EPHB1: variants seen among roughly 807,000 people sequenced by gnomAD.
The protein encoded by EPHB1 is ephrin type-B receptor 1.
In EPHB1, 30 loss-of-function variants were observed where a neutral mutation model predicts 94.4. That is an observed-to-expected ratio of 0.32 (90% CI 0.24 to 0.43). The LOEUF (loss-of-function observed/expected upper bound fraction) is 0.43. Among genes scored for constraint, EPHB1 ranks in the 20% least tolerant of loss-of-function variants. The probability of loss-of-function intolerance (pLI) is 1.00; values close to 1 mark genes in which losing one functional copy is unlikely to be tolerated. For synonymous variants in EPHB1, 522 were observed against 489.1 expected (o/e 1.07, Z -0.89); for missense variants, 1,055 against 1,308.3 (o/e 0.81, Z 2.99).
At chr3:134,975,091 A>G (rs1314167797) in intron 3 of EPHB1, among the ~76,000 whole-genome samples, 1 of 152,172 alleles carries the variant, frequency 6.6e-6, no homozygotes, top group Non-Finnish European at 1.5e-5. Context: ...GAGTTTCAAA[A>G]AGCCGGCATT....
chr3:134,934,688 G>T (rs2038967991), intron 2 of EPHB1, among the ~76,000 whole-genome samples: 2 of 150,748 alleles, frequency 1.3e-5, no homozygotes, highest in Non-Finnish European at 2.9e-5. Flanking sequence ...TGTGTGTGCG[G>T]TATGGGTGGG....
intron 3 of EPHB1, among the ~76,000 whole-genome samples, chr3:135,000,776 C>G (rs1014434219): frequency 6.6e-6 from 1 of 152,118 alleles, no homozygotes; most frequent in African/African-American, 2.4e-5. Flanking sequence ...AAAAATCACA[C>G]CTTCTATTTC....
At chr3:134,982,321 A>G (rs942480466) in intron 3 of EPHB1, among the ~76,000 whole-genome samples, 1 of 152,196 alleles carries the variant, frequency 6.6e-6, no homozygotes, top group Admixed American at 6.5e-5. Context: ...GGAGAGAAAG[A>G]GAGGGAAAGA....
Position 134,989,030 on chromosome 3 carries a change from T to A in EPHB1, c.805+36978T>A, listed in dbSNP as rs980642848. Among the ~76,000 whole-genome samples, 3 of 152,162 alleles carry A rather than the reference T, an allele frequency of 2.0e-5. No individual in the cohort carries two copies. The South Asian group carries it at 6.2e-4, about 32-fold the overall frequency. ...AGGGACTGAAGAGCTCTGCTGTCTA[T>A]CATGCTCTATTTTTAAGGGAGCTAA... On this transcript the variant is annotated intron_variant, in intron 3 of 15. Transcript: ENST00000398015.
rs192911617 is a variant in EPHB1, at chr3:134,899,646, C to T, written c.59-26170C>T. The stretch of plus-strand genomic sequence containing the variant: ...AAACACACTCTTAGACTTGAAGCTT[C>T]TGTTTTTGTTTGTTTGTTTTGTTTT... On this transcript the variant is annotated intron_variant, in intron 1 of 15. Transcript: ENST00000398015. 2.3e-3 allele frequency among the ~76,000 whole-genome samples: 354 copies of T among 151,906 alleles called. 2 individuals carry two copies. Among genetic ancestry groups the T allele is most frequent in the African/African-American group, 7.5e-3 (308 of 41,230 alleles).
chr3:135,095,977 A>G (rs984401687), intron 3 of EPHB1, among the ~76,000 whole-genome samples: 1 of 152,132 alleles, frequency 6.6e-6, no homozygotes, highest in Non-Finnish European at 1.5e-5. Flanking sequence ...TTCCAGCTCA[A>G]AGTCTGTCTT....
intron 8 of EPHB1, among the ~76,000 whole-genome samples, chr3:135,166,616 A>G (rs962972819): frequency 9.9e-5 from 15 of 152,204 alleles, no homozygotes; most frequent in African/African-American, 3.4e-4. Context: ...CTCCCTCCCA[A>G]GCAGTTCTGC....
intron 4 of EPHB1, among the ~76,000 whole-genome samples, chr3:135,118,040 C>G (rs2107804565): frequency 6.6e-6 from 1 of 152,346 alleles, no homozygotes. Context: ...CCACTCAGTT[C>G]TCACAAAGAG....
At chr3:134,828,354 G>T (rs558847771) in intron 1 of EPHB1, among the ~76,000 whole-genome samples, 2 of 152,320 alleles carry the variant, frequency 1.3e-5, no homozygotes, top group East Asian at 3.9e-4. Context: ...GGTTCTCACA[G>T]CTTCCCAAGT....
chr3:135,150,413 C>T (rs1455411910), intron 5 of EPHB1, among the ~76,000 whole-genome samples: 1 of 152,206 alleles, frequency 6.6e-6, no homozygotes, highest in Admixed American at 6.5e-5. Context: ...GCCTCGCCTT[C>T]CCTGAACTGT....
At chr3:135,014,998 G>A (rs1419119197) in intron 3 of EPHB1, among the ~76,000 whole-genome samples, 1 of 152,132 alleles carries the variant, frequency 6.6e-6, no homozygotes, top group East Asian at 1.9e-4. Flanking sequence ...GGAACAAAAG[G>A]ACCCTGGGCT....
chr3:134,894,333 CT>C (rs1228713499), intron 1 of EPHB1, among the ~76,000 whole-genome samples: 2 of 152,212 alleles, frequency 1.3e-5, no homozygotes, highest in African/African-American at 4.8e-5. Context: ...CAGGTCACCC[CT>C]CTCTTGGGCC....
At chr3:134,827,389 A>ACAC (rs2036503784) in intron 1 of EPHB1, among the ~76,000 whole-genome samples, 2 of 148,852 alleles carry the variant, frequency 1.3e-5, no homozygotes, top group Non-Finnish European at 3.0e-5. Context: ...ACACACACAC[A>ACAC]TACACACACA....
intron 12 of EPHB1, among the ~76,000 whole-genome samples, chr3:135,238,825 A>G (rs538919580): frequency 3.3e-5 from 5 of 152,262 alleles, no homozygotes; most frequent in African/African-American, 1.2e-4. Flanking sequence ...GAGAAAACCA[A>G]AGCCCCTCTT....
At chr3:134,958,853 G>A (rs925742970) in intron 3 of EPHB1, among the ~76,000 whole-genome samples, 2 of 152,098 alleles carry the variant, frequency 1.3e-5, no homozygotes, top group African/African-American at 2.4e-5. Flanking sequence ...CTCTGGAGGC[G>A]GCAGAGGATG....
chr3:135,131,396 T>C (rs1363831970), intron 4 of EPHB1, among the ~76,000 whole-genome samples: 1 of 152,216 alleles, frequency 6.6e-6, no homozygotes, highest in East Asian at 1.9e-4. Flanking sequence ...ATTTGATTCC[T>C]GTCTCCAGCA....
chr3:134,978,171 G>A (rs954613875), intron 3 of EPHB1: 1 of 349,922 alleles, frequency 2.9e-6, no homozygotes, highest in Admixed American at 3.7e-5. Context: ...TGAGTTACAA[G>A]TCCTATCCAT....
In EPHB1 at chr3:135,134,853, G is replaced by A. The variant is rs568344349; in HGVS notation, c.1297+1804G>A. ...CTTTTCTCTCTCTCTAAGCATGTGC[G>A]AACAAACCTGCCACTTATATCGGTT... On this transcript the variant is annotated intron_variant, in intron 5 of 15. Coordinates refer to ENST00000398015, the MANE Select transcript of EPHB1 (RefSeq NM_004441.5). Among the ~76,000 whole-genome samples the A allele has an allele frequency of 2.6e-3, 403 of 152,076 alleles. 4 individuals carry two copies. The highest frequency in any genetic ancestry group is 3.4e-3 in the Middle Eastern group (1 of 294).
chr3:134,921,025 A>C (rs1320846184), intron 1 of EPHB1, among the ~76,000 whole-genome samples: 1 of 152,148 alleles, frequency 6.6e-6, no homozygotes, highest in Non-Finnish European at 1.5e-5. Context: ...CTGGGATTAC[A>C]GGTGCACGCC....
Sources: gnomAD v4.1 joint callset for allele counts (sites outside exome capture counted in the v4.1 genomes callset) on GRCh38, gnomAD v4.1.1 for gene constraint, MANE v1.5 for transcripts, NCBI Gene and HGNC (gene_info 2026-07-23, HGNC 2026-07-21) for gene names.